GALNT17: variants seen among roughly 807,000 people sequenced by gnomAD.
GALNT17 encodes UDP-GalNAc:polypeptide N-acetylgalactosaminyltransferase-like 3.
GALNT17 carries 29 observed loss-of-function variants against 63.7 expected under a neutral mutation model. That is an observed-to-expected ratio of 0.46 (90% CI 0.34 to 0.62). The LOEUF (loss-of-function observed/expected upper bound fraction) is 0.62. GALNT17 is among the 20% of genes least tolerant of loss of function. The pLI, the probability that GALNT17 is intolerant of heterozygous loss-of-function variation, is 0.01. For missense variants in GALNT17, 603 were observed against 799.6 expected, an observed-to-expected ratio of 0.75 and a Z score of 2.97; for synonymous variants, 305 against 318.3, an observed-to-expected ratio of 0.96 and a Z score of 0.45.
intron 1 of GALNT17, among the ~76,000 whole-genome samples, chr7:71,202,016 A>G (rs189332132): frequency 6.6e-6 from 1 of 152,206 alleles, no homozygotes; most frequent in East Asian, 1.9e-4. Flanking sequence ...ACTTGGTTTT[A>G]AGGTATTTTT....
intron 1 of GALNT17, among the ~76,000 whole-genome samples, chr7:71,155,307 T>A (rs968590853): frequency 2.0e-5 from 3 of 151,690 alleles, no homozygotes; most frequent in African/African-American, 7.3e-5. Flanking sequence ...AGGGTCTCAC[T>A]CCGTTGCCCA....
chr7:71,326,349 G>T (rs997724569), intron 1 of GALNT17, among the ~76,000 whole-genome samples: 4 of 152,028 alleles, frequency 2.6e-5, no homozygotes, highest in Admixed American at 2.6e-4. Context: ...TCCTAGCTTC[G>T]CAGGAGGCTG....
intron 1 of GALNT17, among the ~76,000 whole-genome samples, chr7:71,257,898 A>G (rs1161922411): frequency 6.6e-6 from 1 of 152,224 alleles, no homozygotes; most frequent in African/African-American, 2.4e-5. Context: ...CCTCCTGGGC[A>G]TTGACAGGCA....
chr7:71,518,715 C>T (rs988973469), intron 5 of GALNT17, among the ~76,000 whole-genome samples: 3 of 152,144 alleles, frequency 2.0e-5, no homozygotes, highest in Admixed American at 6.5e-5. Context: ...GATGGATGTT[C>T]TGAACAACAC....
chr7:71,309,307 C>T (rs1027272928), intron 1 of GALNT17, among the ~76,000 whole-genome samples: 1 of 152,048 alleles, frequency 6.6e-6, no homozygotes, highest in African/African-American at 2.4e-5. Flanking sequence ...TCTTTCCAGC[C>T]TTGCCATCCT....
chr7:71,553,087 G>A (rs1212184687), intron 5 of GALNT17, among the ~76,000 whole-genome samples: 3 of 152,146 alleles, frequency 2.0e-5, no homozygotes, highest in Non-Finnish European at 4.4e-5. Context: ...CACTTTGGGA[G>A]GCCAAGGTGG....
chr7:71,678,632 A>C (rs1791187499), intron 9 of GALNT17, among the ~76,000 whole-genome samples: 1 of 151,790 alleles, frequency 6.6e-6, no homozygotes, highest in Admixed American at 6.6e-5. Flanking sequence ...CGTCTCTACT[A>C]AAAATACAAA....
intron 5 of GALNT17, among the ~76,000 whole-genome samples, chr7:71,527,343 G>A (rs969451421): frequency 2.6e-5 from 4 of 152,134 alleles, no homozygotes; most frequent in African/African-American, 4.8e-5. Flanking sequence ...GCATAACACC[G>A]CCGTTTAAAT....
chr7:71,687,174 G>A (rs575768009), intron 9 of GALNT17, among the ~76,000 whole-genome samples: 15 of 152,124 alleles, frequency 9.9e-5, no homozygotes, highest in Non-Finnish European at 2.1e-4. Flanking sequence ...CGTCCTTTCC[G>A]AGAGACTCAA....
At chr7:71,214,633 A>T (rs1789442006) in intron 1 of GALNT17, among the ~76,000 whole-genome samples, 1 of 145,894 alleles carries the variant, frequency 6.9e-6, no homozygotes, top group Non-Finnish European at 1.5e-5. Flanking sequence ...GCTGGAGTGC[A>T]GTGGTGTGAT....
intron 4 of GALNT17, among the ~76,000 whole-genome samples, chr7:71,419,554 G>A (rs921778342): frequency 1.1e-4 from 17 of 152,288 alleles, no homozygotes; most frequent in African/African-American, 4.1e-4. Flanking sequence ...TGAATAAGGT[G>A]GGGAAAATGA....
intron 5 of GALNT17, among the ~76,000 whole-genome samples, chr7:71,435,786 G>A (rs910906053): frequency 1.3e-5 from 2 of 152,114 alleles, no homozygotes; most frequent in South Asian, 2.1e-4. Flanking sequence ...TTGGGAGGCC[G>A]AGACCGGTGG....
intron 1 of GALNT17, among the ~76,000 whole-genome samples, chr7:71,288,504 G>T (rs1790918824): frequency 1.3e-5 from 2 of 152,134 alleles, no homozygotes; most frequent in South Asian, 4.1e-4. Flanking sequence ...TATAAGCCCT[G>T]AGCGGGCTGG....
intron 2 of GALNT17, among the ~76,000 whole-genome samples, chr7:71,371,077 T>A (rs556626197): frequency 1.1e-4 from 16 of 152,326 alleles, no homozygotes; most frequent in African/African-American, 3.8e-4. Context: ...TGTGATTTCA[T>A]TTTTGATTCA....
intron 1 of GALNT17, among the ~76,000 whole-genome samples, chr7:71,202,987 C>T (rs528207250): frequency 8.5e-5 from 13 of 152,256 alleles, no homozygotes; most frequent in African/African-American, 3.1e-4. Context: ...TATGTATACA[C>T]ACGTGCACAC....
intron 1 of GALNT17, among the ~76,000 whole-genome samples, chr7:71,193,626 G>A (rs1347575442): frequency 1.3e-5 from 2 of 151,764 alleles, no homozygotes; most frequent in Non-Finnish European, 2.9e-5. Context: ...CACAACACCC[G>A]GCCAACTCCT....
At chr7:71,343,225 G>A (rs1792036536) in intron 2 of GALNT17, among the ~76,000 whole-genome samples, 2 of 152,190 alleles carry the variant, frequency 1.3e-5, no homozygotes, top group Admixed American at 1.3e-4. Context: ...GCTGCCTGGG[G>A]CTGAGCAGTT....
intron 5 of GALNT17, among the ~76,000 whole-genome samples, chr7:71,446,274 T>C (rs1393835949): frequency 6.6e-6 from 1 of 152,208 alleles, no homozygotes; most frequent in Non-Finnish European, 1.5e-5. Context: ...GTATTCATTA[T>C]AAAATTTATA....
In GALNT17 at chr7:71,684,604, G is replaced by A. The variant is rs1212419217; in HGVS notation, c.1500+7298G>A. ...AATAAGACCCATATCTGTTTTTGGT[G>A]ACATGTTTAATCCTTCCAACTACTC... On this transcript the variant is annotated intron_variant, in intron 9 of 10. Coordinates refer to ENST00000333538, the MANE Select transcript of GALNT17 (RefSeq NM_022479.3). Among the ~76,000 whole-genome samples the A allele has an allele frequency of 2.0e-5, 3 of 152,280 alleles. No individual in the cohort carries two copies. The East Asian group carries it at 5.8e-4, about 29-fold the overall frequency.
Sources: allele counts gnomAD v4.1 joint callset (sites outside exome capture counted in the v4.1 genomes callset), GRCh38; gene constraint gnomAD v4.1.1; transcripts MANE v1.5; gene names NCBI Gene and HGNC (gene_info 2026-07-23, HGNC 2026-07-21).